Variants in RHBDD1 observed in about 807,000 individuals in gnomAD.
RHBDD1 encodes rhomboid domain containing 1, also known as rhomboid-related protein 4.
A neutral mutation model predicts 36.3 loss-of-function variants in RHBDD1; 38 were observed. That is an observed-to-expected ratio of 1.05 (90% CI 0.81 to 1.37). The LOEUF is 1.37. Ranked by LOEUF, RHBDD1 falls within the 40% of genes most tolerant of loss-of-function variation. The pLI is 0.00. For synonymous variants in RHBDD1, 151 were observed against 136.5 expected, an observed-to-expected ratio of 1.11 and a Z score of -0.74; for missense variants, 393 against 377.6, an observed-to-expected ratio of 1.04 and a Z score of -0.34.
At chr2:226,969,762 A>G (rs1336943174) in intron 8 of RHBDD1, among the ~76,000 whole-genome samples, 1 of 152,204 alleles carries the variant, frequency 6.6e-6, no homozygotes, top group East Asian at 1.9e-4. Context: ...TTATTTTTTA[A>G]ATGTGATTTC....
intron 8 of RHBDD1, among the ~76,000 whole-genome samples, chr2:226,975,413 C>G (rs1042937866): frequency 6.6e-6 from 1 of 152,092 alleles, no homozygotes; most frequent in Non-Finnish European, 1.5e-5. Context: ...AACTCAATGA[C>G]AGTTTGCTTT....
intron 3 of RHBDD1, among the ~76,000 whole-genome samples, chr2:226,861,108 A>C (rs1321508572): frequency 1.3e-5 from 2 of 152,240 alleles, no homozygotes; most frequent in Non-Finnish European, 2.9e-5. Context: ...CCAAGACATC[A>C]GGCAAACTAT....
chr2:226,895,290 T>C (rs369038700), intron 5 of RHBDD1, among the ~76,000 whole-genome samples: 1 of 152,200 alleles, frequency 6.6e-6, no homozygotes, highest in Admixed American at 6.5e-5. Context: ...TTGCAGGCCA[T>C]GTGAACCTTT....
intron 8 of RHBDD1, chr2:226,988,584 C>A: frequency 7.2e-7 from 1 of 1,380,280 alleles, no homozygotes; most frequent in South Asian, 1.9e-5. Context: ...TCAGAAACAT[C>A]AGAAGAGGCC....
chr2:226,965,427 TG>T (rs1438061177), intron 8 of RHBDD1, among the ~76,000 whole-genome samples: 3 of 152,212 alleles, frequency 2.0e-5, no homozygotes, highest in Non-Finnish European at 4.4e-5. Context: ...CCTAGGAAAC[TG>T]ATACAAGCAT....
At chr2:226,929,926 C>G (rs1450268624) in intron 8 of RHBDD1, among the ~76,000 whole-genome samples, 1 of 151,666 alleles carries the variant, frequency 6.6e-6, no homozygotes, top group Non-Finnish European at 1.5e-5. Context: ...AAAAACAAAA[C>G]AAAACAAAAC....
chr2:226,825,201 A>G, the RHBDD1 span, among the ~76,000 whole-genome samples: 4 of 152,232 alleles, frequency 2.6e-5, no homozygotes, highest in African/African-American at 4.8e-5. Context: ...CCAATGGCAC[A>G]CAGAGAATGT....
At chr2:226,970,170 A>G (rs1462173855) in intron 8 of RHBDD1, among the ~76,000 whole-genome samples, 2 of 151,846 alleles carry the variant, frequency 1.3e-5, no homozygotes, top group Non-Finnish European at 2.9e-5. Context: ...GCACTGTGCT[A>G]TGTGATCCTT....
intron 8 of RHBDD1, chr2:226,988,464 G>A: frequency 6.5e-7 from 1 of 1,547,856 alleles, no homozygotes; most frequent in African/African-American, 1.4e-5. Context: ...CTTTGAGGCT[G>A]CAGGGTCCCT....
intron 8 of RHBDD1, among the ~76,000 whole-genome samples, chr2:226,961,715 T>G (rs1253881441): frequency 6.6e-6 from 1 of 152,168 alleles, no homozygotes; most frequent in Non-Finnish European, 1.5e-5. Context: ...CTCAGTTGTC[T>G]GTGTTTCCAC....
intron 5 of RHBDD1, among the ~76,000 whole-genome samples, chr2:226,881,799 G>T (rs1945761826): frequency 6.6e-6 from 1 of 152,116 alleles, no homozygotes; most frequent in Non-Finnish European, 1.5e-5. Context: ...TTATTCCACT[G>T]CTGTTGCTTA....
chr2:226,975,585 G>C (rs150816014), intron 8 of RHBDD1, among the ~76,000 whole-genome samples: 2 of 152,248 alleles, frequency 1.3e-5, no homozygotes, highest in Non-Finnish European at 2.9e-5. Context: ...GGGCAGTTTG[G>C]TACAGAAGAG....
chr2:226,914,117 G>A (rs2125705145), intron 7 of RHBDD1, 91 bp from the exon 8 acceptor site: 3 of 1,089,020 alleles, frequency 2.8e-6, no homozygotes, highest in South Asian at 3.1e-5. Context: ...ATAATGTTAT[G>A]CCTTACTCGC....
chr2:226,956,638 A>G (rs980813290), intron 8 of RHBDD1, among the ~76,000 whole-genome samples: 1 of 152,208 alleles, frequency 6.6e-6, no homozygotes, highest in Non-Finnish European at 1.5e-5. Flanking sequence ...GGGGCCCAGA[A>G]TCTTCTAATT....
chr2:226,920,322 C>A (rs1949221396), intron 8 of RHBDD1, among the ~76,000 whole-genome samples: 1 of 151,924 alleles, frequency 6.6e-6, no homozygotes, highest in Non-Finnish European at 1.5e-5. Flanking sequence ...AAGATCCATA[C>A]CACCTGCAAA....
At position 226,997,267 on chromosome 2, in the gene RHBDD1, T is replaced by C. The variant is rs531063913; in HGVS notation, c.*1745T>C. On this transcript the variant is annotated 3_prime_UTR_variant, in exon 9 of 9. Coordinates refer to ENST00000392062, the MANE Select transcript of RHBDD1 (RefSeq NM_001167608.3). ...CTTTAAATGTGTTTAAATTAAAATA[T>C]TCAAGCTAAATGTTACTGCTCTCTC... 1 of 152,364 alleles carries C rather than the reference T, an allele frequency of 6.6e-6. No homozygotes were observed. Among genetic ancestry groups the C allele is most frequent in the South Asian group, 2.1e-4 (1 of 4,832 alleles). 9.4% of individuals were successfully genotyped at this position (152,364 alleles called of 1,614,324 possible). A position where few individuals can be genotyped will look rare whatever the true frequency, so the allele number is the denominator to read the frequency against.
At chr2:226,904,268 C>A (rs1026509561) in intron 5 of RHBDD1, among the ~76,000 whole-genome samples, 2 of 152,166 alleles carry the variant, frequency 1.3e-5, no homozygotes, top group African/African-American at 4.8e-5. Context: ...GATACACACC[C>A]CTGGACGTTG....
In RHBDD1 at chr2:226,924,674, A is replaced by T. The variant is rs185103348; in HGVS notation, c.856+10323A>T. Among the ~76,000 whole-genome samples, 94 of 152,288 alleles carry T rather than the reference A, an allele frequency of 6.2e-4. 1 individual carries two copies. The highest frequency in any genetic ancestry group is 1.8e-3 in the African/African-American group (74 of 41,554). On this transcript the variant is annotated intron_variant, in intron 8 of 8. Transcript: ENST00000392062. ...CTTTTGCCCATGGTGTCAGGGCCTG[A>T]TGGAACTCAGGTTCTGACCACTGGG...
intron 5 of RHBDD1, among the ~76,000 whole-genome samples, chr2:226,897,330 G>A (rs1487021734): frequency 6.6e-6 from 1 of 152,064 alleles, no homozygotes; most frequent in African/African-American, 2.4e-5. Context: ...CTGTCTGTCT[G>A]TCTGTCTGTC....
Sources: gnomAD v4.1 joint callset for allele counts (sites outside exome capture counted in the v4.1 genomes callset) on GRCh38, gnomAD v4.1.1 for gene constraint, MANE v1.5 for transcripts, NCBI Gene and HGNC (gene_info 2026-07-23, HGNC 2026-07-21) for gene names.